GHRH: variants seen among roughly 807,000 people sequenced by gnomAD.
GHRH encodes somatoliberin.
A neutral mutation model predicts 15.6 loss-of-function variants in GHRH; 7 were observed. The ratio of observed to expected loss-of-function variants is 0.45; its 90% CI spans 0.26 to 0.84. The LOEUF (loss-of-function observed/expected upper bound fraction) is 0.84, where lower values mean the gene tolerates loss of function less well. Ranked by LOEUF, GHRH falls within the 40% of genes least tolerant of loss-of-function variation. The probability of loss-of-function intolerance (pLI) is 0.18; values close to 1 mark genes in which losing one functional copy is unlikely to be tolerated. For missense variants in GHRH, 117 were observed against 138.0 expected, an observed-to-expected ratio of 0.85 and a Z score of 0.76; for synonymous variants, 54 against 50.4, an observed-to-expected ratio of 1.07 and a Z score of -0.30.
intron 4 of GHRH, 67 bp from the exon 5 acceptor site, chr20:37,251,298 G>A (rs1212191458): frequency 7.4e-7 from 1 of 1,342,478 alleles, no homozygotes; most frequent in Non-Finnish European, 1.0e-6. Flanking sequence ...GGGATGCATG[G>A]AACCAGGGTG....
chr20:37,259,092 CCTT>C (rs1260407123), intron 1 of GHRH, among the ~76,000 whole-genome samples: 21 of 152,178 alleles, frequency 1.4e-4, no homozygotes, highest in Admixed American at 3.9e-4. Flanking sequence ...GCCCAAATCT[CCTT>C]CTCCTGCAAA....
chr20:37,252,600 C>G lies in GHRH; in HGVS notation c.309-1369G>C, dbSNP rs10470049. On this transcript the variant is annotated intron_variant, in intron 4 of 4. Coordinates refer to ENST00000373614, the MANE Select transcript of GHRH (RefSeq NM_021081.6). ...TGGCCAGCATGGTGAAACCCCATCT[C>G]TACTAAAAGTACAAAAAATTAGCCG... is the stretch of plus-strand genomic sequence containing the variant. Among the ~76,000 whole-genome samples, 1,393 of 151,012 alleles carry G rather than the reference C, an allele frequency of 9.2e-3. 16 individuals are homozygous for G. The highest frequency in any genetic ancestry group is 0.032 in the African/African-American group (1,294 of 40,878).
Position 37,258,649 on chromosome 20 carries a change from G to A in GHRH, c.-19-1741C>T, listed in dbSNP as rs2068671577. Among the ~76,000 whole-genome samples the A allele has an allele frequency of 1.3e-5, 2 of 152,242 alleles. No homozygotes were observed. The highest frequency in any genetic ancestry group is 2.1e-4 in the South Asian group (1 of 4,830). ...CATCCCCACAACACGCACACTGGCT[G>A]TCCTCCACTTCCTGCTCGAGTGAGC... On this transcript the variant is annotated intron_variant, in intron 1 of 4. Transcript: ENST00000373614. This position sits in a 1 kb window ranked among gnomAD's most constrained non-coding sequence, Gnocchi z 4.1.
intron 4 of GHRH, among the ~76,000 whole-genome samples, chr20:37,251,941 C>T (rs1447425589): frequency 3.9e-5 from 6 of 152,174 alleles, no homozygotes; most frequent in Admixed American, 1.3e-4. Flanking sequence ...GCCAGCTCTG[C>T]GGGCTCTGTG....
chr20:37,259,930 A>T (rs1489878854), intron 1 of GHRH, among the ~76,000 whole-genome samples: 1 of 151,900 alleles, frequency 6.6e-6, no homozygotes, highest in South Asian at 2.1e-4. Flanking sequence ...AGCCTCCATC[A>T]CCTGCACGTG....
chr20:37,251,321 G>A (rs1258922809), intron 4 of GHRH, 90 bp from the exon 5 acceptor site: 8 of 1,045,754 alleles, frequency 7.6e-6, no homozygotes, highest in South Asian at 4.6e-5. Context: ...GGGTGCTCCC[G>A]TGACAGGAGC....
chr20:37,254,154 C>T, intron 4 of GHRH, 56 bp downstream of exon 4: 7 of 1,604,560 alleles, frequency 4.4e-6, no homozygotes, highest in Non-Finnish European at 5.1e-6. Context: ...TCCTGGCAAA[C>T]CACGGGGTAG....
chr20:37,259,506 T>G (rs2146752512), intron 1 of GHRH, among the ~76,000 whole-genome samples: 1 of 152,308 alleles, frequency 6.6e-6, no homozygotes, highest in Non-Finnish European at 1.5e-5. Flanking sequence ...TTTTAAAGAT[T>G]CAGGCAGATC....
intron 4 of GHRH, among the ~76,000 whole-genome samples, chr20:37,253,296 T>C (rs1435119374): frequency 6.6e-6 from 1 of 152,172 alleles, no homozygotes; most frequent in Non-Finnish European, 1.5e-5. Context: ...CGTCTGCTGA[T>C]CGTGTGTCTG....
intron 4 of GHRH, among the ~76,000 whole-genome samples, chr20:37,251,942 G>A (rs866966883): frequency 3.3e-5 from 5 of 152,294 alleles, no homozygotes; most frequent in South Asian, 2.1e-4. Context: ...CCAGCTCTGC[G>A]GGCTCTGTGA....
In GHRH at chr20:37,256,498, C is replaced by A. The variant is rs2068656832; in HGVS notation, c.84G>T (p.Arg28Ser). 6.2e-7 allele frequency: 1 copy of A among 1,606,818 alleles called. No individual in the cohort carries two copies. Among genetic ancestry groups the A allele is most frequent in the South Asian group, 1.1e-5 (1 of 90,738 alleles). Residue 28 changes from arginine to serine, a missense_variant and splice_region_variant, in exon 3 of 5, where the codon AGG (arginine) becomes AGT (serine). Physicochemically the swap from Arg to Ser is moderately radical, Grantham distance 110. Coordinates refer to ENST00000373614, the MANE Select transcript of GHRH (RefSeq NM_021081.6). ...HCSPPPPLTL[R>S]MRRYADAIFT... ...AGATGGCATCTGCATACCGCCGCAT[C>A]CTGTGCGGAAGGAGTCAGGGGTCAG...
intron 1 of GHRH, among the ~76,000 whole-genome samples, chr20:37,260,400 A>C (rs1365747443): frequency 2.8e-5 from 3 of 105,826 alleles, no homozygotes; most frequent in Admixed American, 1.1e-4. Flanking sequence ...CCATCTCTAC[A>C]AAAAAAAAAA....
chr20:37,258,789 A>G lies in GHRH; in HGVS notation c.-19-1881T>C, dbSNP rs1046894499. 2.6e-5 allele frequency among the ~76,000 whole-genome samples: 4 copies of G among 152,068 alleles called. No individual in the cohort carries two copies. Among genetic ancestry groups the G allele is most frequent in the Admixed American group, 2.6e-4 (4 of 15,232 alleles). On this transcript the variant is annotated intron_variant, in intron 1 of 4. Transcript: ENST00000373614. This position sits in a 1 kb window ranked among gnomAD's most constrained non-coding sequence, Gnocchi z 4.1. ...GGGTCTCACTCTGTGGCCCAGGCTG[A>G]GGTGCAGTGGTGCAATCATAGCTCA...
intron 2 of GHRH, 141 bp downstream of exon 2, chr20:37,256,666 T>G (rs1448279486): frequency 4.0e-6 from 3 of 757,254 alleles, no homozygotes; most frequent in Non-Finnish European, 6.6e-6. Flanking sequence ...TGTGTCTGCC[T>G]CCTCTGCAAG....
intron 1 of GHRH, among the ~76,000 whole-genome samples, chr20:37,257,564 C>G (rs1456987568): frequency 6.6e-6 from 1 of 151,280 alleles, no homozygotes; most frequent in Non-Finnish European, 1.5e-5. Context: ...GATCCCTTAG[C>G]AAGGAATGGG....
chr20:37,261,516 C>T (rs751992296), intron 1 of GHRH, among the ~76,000 whole-genome samples: 1 of 152,178 alleles, frequency 6.6e-6, no homozygotes, highest in Non-Finnish European at 1.5e-5. Context: ...GGAGCCAGTC[C>T]GCCACGCGCC....
chr20:37,252,599 TCTACTAAAA>T (rs1569010978), intron 4 of GHRH, among the ~76,000 whole-genome samples: 1 of 151,170 alleles, frequency 6.6e-6, no homozygotes, highest in African/African-American at 2.4e-5. Flanking sequence ...AAACCCCATC[TCTACTAAAA>T]GTACAAAAAA....
chr20:37,259,358 G>C (rs2146752449), intron 1 of GHRH, among the ~76,000 whole-genome samples: 1 of 152,194 alleles, frequency 6.6e-6, no homozygotes, highest in Non-Finnish European at 1.5e-5. Flanking sequence ...CTCCCCACCT[G>C]GTCCAGGCTG....
rs572464501 is a variant in GHRH, at chr20:37,256,659, G to A, written c.83+148C>T. 3 of 742,016 alleles carry A rather than the reference G, an allele frequency of 4.0e-6. No homozygotes were observed. The South Asian group carries it at 5.3e-5, about 13-fold the overall frequency. 46.0% of individuals were successfully genotyped at this position (742,016 alleles called of 1,614,324 possible). ...CTCTGAGTGACCTCTGTGAAGCTGT[G>A]TCTGCCTCCTCTGCAAGGACGGGCA... On this transcript the variant is annotated intron_variant, in intron 2 of 4. Coordinates refer to ENST00000373614, the MANE Select transcript of GHRH (RefSeq NM_021081.6).
Sources: allele counts gnomAD v4.1 joint callset (sites outside exome capture counted in the v4.1 genomes callset), GRCh38; gene constraint gnomAD v4.1.1; non-coding constraint Gnocchi (gnomAD v3.1); transcripts MANE v1.5; gene names NCBI Gene and HGNC (gene_info 2026-07-23, HGNC 2026-07-21).